ATOH8: variants seen among roughly 807,000 people sequenced by gnomAD.
ATOH8 encodes atonal bHLH transcription factor 8, also known as transcription factor ATOH8.
Under a neutral mutation model 21.2 loss-of-function variants are expected in ATOH8, and 9 were observed. The ratio of observed to expected loss-of-function variants is 0.42; its 90% CI spans 0.26 to 0.74. The LOEUF is 0.74. ATOH8 is among the 30% of genes least tolerant of loss of function. The pLI is 0.24. For synonymous variants in ATOH8, 253 were observed against 224.0 expected, an observed-to-expected ratio of 1.13 and a Z score of -1.16; for missense variants, 524 against 470.9, an observed-to-expected ratio of 1.11 and a Z score of -1.04.
rs1245791075 is a variant in ATOH8 at position 85,790,600 on chromosome 2, G to A, written c.*3710G>A. Among the ~76,000 whole-genome samples, 1 of 152,122 alleles carries A rather than the reference G, an allele frequency of 6.6e-6. No homozygotes were observed. Among genetic ancestry groups the A allele is most frequent in the African/African-American group, 2.4e-5 (1 of 41,410 alleles). ...CTCTGTGCTGTTCTCTTTTTTTCTG[G>A]ATTTCTCCACCTCCACCAAGTTCCC... On this transcript the variant is annotated 3_prime_UTR_variant, in exon 3 of 3. Coordinates refer to ENST00000306279, the MANE Select transcript of ATOH8 (RefSeq NM_032827.7).
At chr2:85,755,427 C>G (rs1016598803) in intron 1 of ATOH8, among the ~76,000 whole-genome samples, 1 of 152,138 alleles carries the variant, frequency 6.6e-6, no homozygotes, top group Non-Finnish European at 1.5e-5. Flanking sequence ...CGGTGATGCC[C>G]CGAACACTCA....
Position 85,754,595 on chromosome 2 carries a change from G to A in ATOH8, c.406G>A (p.Ala136Thr). ...PPPPPAPQSQ[A>T]PGGPEAQPFR... ...GCCGCCTCCTGCGCCCCAGAGCCAG[G>A]CACCTGGGGGCCCAGAGGCACAGCC... The change falls in exon 1 of 3, where the codon GCA becomes ACA. Residue 136 changes from alanine to threonine, a missense_variant. Transcript: ENST00000306279. 1 of 1,472,306 alleles carries A rather than the reference G, an allele frequency of 6.8e-7. No individual in the cohort carries two copies. Among genetic ancestry groups the A allele is most frequent in the Non-Finnish European group, 8.9e-7 (1 of 1,120,458 alleles). The allele number at this position is 1,472,306 out of a possible 1,614,324, so 91.2% of individuals were successfully genotyped here.
At chr2:85,776,995 A>G (rs1318332778) in intron 2 of ATOH8, among the ~76,000 whole-genome samples, 1 of 151,240 alleles carries the variant, frequency 6.6e-6, no homozygotes, top group Non-Finnish European at 1.5e-5. Context: ...ACGCACACAC[A>G]GGGGTTCTTC....
In ATOH8 at chr2:85,787,941, G is replaced by A. The variant is rs1487782135; in HGVS notation, c.*1051G>A. 1 of 152,814 alleles carries A rather than the reference G, an allele frequency of 6.5e-6. No homozygotes were observed. Among genetic ancestry groups the A allele is most frequent in the Non-Finnish European group, 1.5e-5 (1 of 68,178 alleles). The allele number at this position is 152,814 out of a possible 1,614,324, so 9.5% of individuals were successfully genotyped here. A position where few individuals can be genotyped will look rare whatever the true frequency, so the allele number is the denominator to read the frequency against. ...CCAGGGGACTGGGCCAGTATGTGGA[G>A]GATGGGGCCTGCGTGTTCAAAGCCA... On this transcript the variant is annotated 3_prime_UTR_variant, in exon 3 of 3. Transcript: ENST00000306279.
intron 2 of ATOH8, among the ~76,000 whole-genome samples, chr2:85,776,641 T>A (rs551548775): frequency 6.6e-6 from 1 of 152,194 alleles, no homozygotes; most frequent in African/African-American, 2.4e-5. Context: ...TGGGCCGATT[T>A]CCCATGCACA....
intron 2 of ATOH8, among the ~76,000 whole-genome samples, chr2:85,778,907 TG>T (rs150597199): frequency 0.048 from 7,384 of 152,288 alleles, 590 homozygotes; most frequent in African/African-American, 0.17. Flanking sequence ...CTCGTGTGGC[TG>T]GGCCACCAGT....
At chr2:85,779,701 A>C (rs1016471893) in intron 2 of ATOH8, among the ~76,000 whole-genome samples, 2 of 152,168 alleles carry the variant, frequency 1.3e-5, no homozygotes, top group African/African-American at 4.8e-5. Flanking sequence ...GCATCCTAGC[A>C]ATGTGGCCTA....
intron 2 of ATOH8, among the ~76,000 whole-genome samples, chr2:85,786,613 C>T (rs1164551386): frequency 6.6e-6 from 1 of 152,188 alleles, no homozygotes; most frequent in Non-Finnish European, 1.5e-5. Flanking sequence ...CTTCCAGCGG[C>T]CCTGGCTCCC....
intron 2 of ATOH8, among the ~76,000 whole-genome samples, chr2:85,777,544 C>T (rs1041737937): frequency 4.6e-5 from 7 of 152,180 alleles, no homozygotes; most frequent in Non-Finnish European, 8.8e-5. Flanking sequence ...CACTGATGTT[C>T]GTGGACTTGA....
chr2:85,767,580 T>TCCTTCCCTCCCCTCCCCTCCCCTCC lies in ATOH8; in HGVS notation c.960+3406_960+3407insCCCCTCCCCTCCCCTCCCCTTCCCT, dbSNP rs1558611972. Among the ~76,000 whole-genome samples, 16 of 79,262 alleles carry TCCTTCCCTCCCCTCCCCTCCCCTCC rather than the reference T, an allele frequency of 2.0e-4. 2 individuals are homozygous for TCCTTCCCTCCCCTCCCCTCCCCTCC. The highest frequency in any genetic ancestry group is 2.2e-4 in the Non-Finnish European group (9 of 40,224). The allele number at this position is 79,262 out of a possible 152,430, so 52.0% of individuals were successfully genotyped here. The stretch of plus-strand genomic sequence containing the variant: ...TTCCCTCTTCCCCTCCCCTCCCCTC[T>TCCTTCCCTCCCCTCCCCTCCCCTCC]CCTTCCCTTCCCTTCCATGAACAGC... On this transcript the variant is annotated intron_variant, in intron 2 of 2. Transcript: ENST00000306279.
Position 85,787,063 on chromosome 2 carries a change from G to A in ATOH8, c.*173G>A, listed in dbSNP as rs879494514. On this transcript the variant is annotated 3_prime_UTR_variant, in exon 3 of 3. Coordinates refer to ENST00000306279, the MANE Select transcript of ATOH8 (RefSeq NM_032827.7). ...GCACGCCTGCCTCCCTCTCCCCTCC[G>A]CCCTCACCCAGCCAATCCGAGGCTG... 18 of 771,650 alleles carry A rather than the reference G, an allele frequency of 2.3e-5. No homozygotes were observed. The highest frequency in any genetic ancestry group is 3.5e-5 in the Non-Finnish European group (17 of 484,378). The allele number at this position is 771,650 out of a possible 1,614,324, so 47.8% of individuals were successfully genotyped here.
Position 85,791,373 on chromosome 2 carries a change from G to A in ATOH8, c.*4483G>A, listed in dbSNP as rs6757562. The stretch of plus-strand genomic sequence containing the variant: ...AATGAATGAATAAAACATGGAAAAT[G>A]TGGTAATTCACTCATTTTTGTTTTC... On this transcript the variant is annotated 3_prime_UTR_variant, in exon 3 of 3. Transcript: ENST00000306279. Among the ~76,000 whole-genome samples, 868 of 152,304 alleles carry A rather than the reference G, an allele frequency of 5.7e-3. 10 individuals carry two copies. Among genetic ancestry groups the A allele is most frequent in the African/African-American group, 0.02 (816 of 41,562 alleles).
At chr2:85,773,236 C>T (rs531851849) in intron 2 of ATOH8, 102 of 182,234 alleles carry the variant, frequency 5.6e-4, no homozygotes, top group African/African-American at 2.3e-3. Context: ...ATAAATACGC[C>T]GGTGCCTCGG....
Position 85,785,016 on chromosome 2 carries a change from C to T in ATOH8, c.961-1869C>T, listed in dbSNP as rs1680588715. Among the ~76,000 whole-genome samples the T allele has an allele frequency of 1.3e-5, 2 of 152,250 alleles. No homozygotes were observed. Among genetic ancestry groups the T allele is most frequent in the South Asian group, 2.1e-4 (1 of 4,836 alleles). The stretch of plus-strand genomic sequence containing the variant: ...AGGCCTTGGTGAGAGAAACCCCTGT[C>T]TCCTTTAATCCTGGATGGTAGCTGT... On this transcript the variant is annotated intron_variant, in intron 2 of 2. Transcript: ENST00000306279. The surrounding 1 kb of genome is among the most constrained non-coding windows in gnomAD (Gnocchi z 4.1).
At position 85,784,915 on chromosome 2, in the gene ATOH8, G is replaced by A. The variant is rs1371376097; in HGVS notation, c.961-1970G>A. On this transcript the variant is annotated intron_variant, in intron 2 of 2. Transcript: ENST00000306279. ...ACTTCCTTGGATGGATGATGTATGTGCTGAGATTCTTGGACCGAGGTGGTG... is the reference window on the plus strand; with the variant it reads ...ACTTCCTTGGATGGATGATGTATGTACTGAGATTCTTGGACCGAGGTGGTG... Among the ~76,000 whole-genome samples, 8 of 152,254 alleles carry A rather than the reference G, an allele frequency of 5.3e-5. No homozygotes were observed. The East Asian group carries it at 1.5e-3, about 29-fold the overall frequency.
chr2:85,774,741 C>T (rs1680278595), intron 2 of ATOH8: 1 of 985,410 alleles, frequency 1.0e-6, no homozygotes, highest in Non-Finnish European at 1.2e-6. Flanking sequence ...TGATAGGCCC[C>T]CCAAGTGACC....
Position 85,789,025 on chromosome 2 carries a change from G to T in ATOH8, c.*2135G>T, listed in dbSNP as rs912505087. Among the ~76,000 whole-genome samples the T allele has an allele frequency of 5.9e-5, 9 of 152,188 alleles. No individual in the cohort carries two copies. The highest frequency in any genetic ancestry group is 1.5e-5 in the Non-Finnish European group (1 of 68,038). ...CAGCACTGCTCTGTTGTCCCTCGGAGCCTCTGAGTAACCCTGATGGCACTT... is the reference window on the plus strand; with the variant it reads ...CAGCACTGCTCTGTTGTCCCTCGGATCCTCTGAGTAACCCTGATGGCACTT... On this transcript the variant is annotated 3_prime_UTR_variant, in exon 3 of 3. Coordinates refer to ENST00000306279, the MANE Select transcript of ATOH8 (RefSeq NM_032827.7).
At chr2:85,777,191 T>C (rs1680352324) in intron 2 of ATOH8, among the ~76,000 whole-genome samples, 1 of 152,128 alleles carries the variant, frequency 6.6e-6, no homozygotes, top group Non-Finnish European at 1.5e-5. Flanking sequence ...AGAGCTAAAC[T>C]ATAGAAAGGC....
rs957031514 is a variant in ATOH8, at chr2:85,790,489, G to T, written c.*3599G>T. Among the ~76,000 whole-genome samples, 1 of 152,244 alleles carries T rather than the reference G, an allele frequency of 6.6e-6. No homozygotes were observed. The highest frequency in any genetic ancestry group is 2.4e-5 in the African/African-American group (1 of 41,466). On this transcript the variant is annotated 3_prime_UTR_variant, in exon 3 of 3. Transcript: ENST00000306279. ...GCCTGAGACTATCCCAGAAGAGAGG[G>T]TTAAATTCTGGAGGTGAGGTTTTGA...
Sources: gnomAD v4.1 joint callset for allele counts (sites outside exome capture counted in the v4.1 genomes callset) on GRCh38, gnomAD v4.1.1 for gene constraint, Gnocchi (gnomAD v3.1) non-coding constraint, MANE v1.5 for transcripts, NCBI Gene and HGNC (gene_info 2026-07-23, HGNC 2026-07-21) for gene names.